The following CNTNAP2 variants were observed in gnomAD, a reference collection of about 807,000 sequenced individuals.
CNTNAP2 encodes the protein contactin associated protein 2, also known as contactin-associated protein-like 2.
Under a neutral mutation model 155.2 loss-of-function variants are expected in CNTNAP2, and 98 were observed. That is an observed-to-expected ratio of 0.63 (90% CI 0.54 to 0.75). The LOEUF (loss-of-function observed/expected upper bound fraction) is 0.75. CNTNAP2 is among the 30% of genes least tolerant of loss of function. The pLI is 0.00. For missense variants in CNTNAP2, 1,727 were observed against 1,688.1 expected, an observed-to-expected ratio of 1.02 and a Z score of -0.40; for synonymous variants, 651 against 631.2, an observed-to-expected ratio of 1.03 and a Z score of -0.47.
At chr7:146,143,247 T>A (rs1457903827) in intron 1 of CNTNAP2, among the ~76,000 whole-genome samples, 1 of 152,208 alleles carries the variant, frequency 6.6e-6, no homozygotes, top group Non-Finnish European at 1.5e-5. Context: ...TATTTTCTTT[T>A]TATTATGCCA....
chr7:147,285,825 A>G (rs1241331871), intron 8 of CNTNAP2, among the ~76,000 whole-genome samples: 1 of 152,018 alleles, frequency 6.6e-6, no homozygotes, highest in Non-Finnish European at 1.5e-5. Flanking sequence ...GCATATTACA[A>G]TTAGGATATG....
At chr7:147,466,995 T>C (rs894618228) in intron 10 of CNTNAP2, among the ~76,000 whole-genome samples, 3 of 152,260 alleles carry the variant, frequency 2.0e-5, no homozygotes, top group African/African-American at 7.2e-5. Flanking sequence ...AGTTAATGTA[T>C]CTTATATAGG....
rs1440844882 is a variant in CNTNAP2, at chr7:146,612,181, GACAA to G, written c.98-162086_98-162083del. Among the ~76,000 whole-genome samples the G allele has an allele frequency of 7.9e-5, 12 of 151,920 alleles. No homozygotes were observed. In the South Asian group the frequency reaches 1.2e-3, roughly 16 times the overall value. On this transcript the variant is annotated intron_variant, in intron 1 of 23. Coordinates refer to ENST00000361727, the MANE Select transcript of CNTNAP2 (RefSeq NM_014141.6). ...GCCTAGAATAATCCCTAGTAGATAC[GACAA>G]ACATTTAATAAAAATAGTTATTACT... is the stretch of plus-strand genomic sequence containing the variant.
At chr7:146,486,749 T>G (rs1414107396) in intron 1 of CNTNAP2, among the ~76,000 whole-genome samples, 2 of 152,200 alleles carry the variant, frequency 1.3e-5, no homozygotes, top group Non-Finnish European at 2.9e-5. Context: ...GCATATTCTT[T>G]TGGGAGAGCC....
chr7:148,137,805 A>C (rs980214414), intron 16 of CNTNAP2, among the ~76,000 whole-genome samples: 8 of 152,142 alleles, frequency 5.3e-5, no homozygotes, highest in Non-Finnish European at 1.0e-4. Context: ...GCATAATTTT[A>C]CTTTTTTCTC....
intron 5 of CNTNAP2, among the ~76,000 whole-genome samples, chr7:147,113,769 T>C (rs1322944579): frequency 1.3e-5 from 2 of 152,216 alleles, no homozygotes; most frequent in African/African-American, 4.8e-5. Flanking sequence ...CCAGGATTTA[T>C]TGATTTTTTG....
chr7:147,734,469 A>G (rs1267584531), intron 13 of CNTNAP2, among the ~76,000 whole-genome samples: 1 of 152,162 alleles, frequency 6.6e-6, no homozygotes, highest in African/African-American at 2.4e-5. Context: ...ATATTGGTCT[A>G]AAATTCTCTT....
At chr7:146,952,889 T>C (rs1292492599) in intron 3 of CNTNAP2, among the ~76,000 whole-genome samples, 1 of 152,096 alleles carries the variant, frequency 6.6e-6, no homozygotes, top group Admixed American at 6.6e-5. Flanking sequence ...ATCATAGGAA[T>C]TTCTGAACCT....
intron 16 of CNTNAP2, among the ~76,000 whole-genome samples, chr7:148,122,155 G>A (rs927912625): frequency 6.6e-6 from 1 of 152,148 alleles, no homozygotes; most frequent in South Asian, 2.1e-4. Flanking sequence ...TACAAACGAG[G>A]AAACTGAGGC....
chr7:146,457,945 C>A (rs755858861), intron 1 of CNTNAP2, among the ~76,000 whole-genome samples: 14 of 152,038 alleles, frequency 9.2e-5, no homozygotes, highest in Non-Finnish European at 1.9e-4. Flanking sequence ...TACTGTCATA[C>A]ACTTGTTTGA....
intron 7 of CNTNAP2, among the ~76,000 whole-genome samples, chr7:147,130,828 C>A (rs1314378302): frequency 6.6e-6 from 1 of 151,996 alleles, no homozygotes; most frequent in African/African-American, 2.4e-5. Flanking sequence ...GGGAGACAAT[C>A]CCCTCAAAAG....
intron 3 of CNTNAP2, among the ~76,000 whole-genome samples, chr7:147,026,962 C>T (rs1394410850): frequency 1.4e-5 from 2 of 137,966 alleles, no homozygotes; most frequent in Non-Finnish European, 3.1e-5. Flanking sequence ...GCATCTGTCA[C>T]ACCTGATTAC....
At chr7:147,491,941 C>T (rs962104050) in intron 11 of CNTNAP2, among the ~76,000 whole-genome samples, 7 of 152,168 alleles carry the variant, frequency 4.6e-5, no homozygotes, top group African/African-American at 1.7e-4. Flanking sequence ...TTCAAATTAT[C>T]TTTAAGGAAA....
At position 147,535,496 on chromosome 7, in the gene CNTNAP2, T is replaced by A. The variant is rs1196939118; in HGVS notation, c.1778-26642T>A. 2.0e-5 allele frequency among the ~76,000 whole-genome samples: 3 copies of A among 152,216 alleles called. 1 individual carries two copies. The East Asian group carries it at 5.8e-4, about 29-fold the overall frequency. Reference sequence around the variant, plus strand: ...ATTAAATATGACAGTGGAAAAAGATTTCTAGTTGGAGAATGAAAACTTCCT... The same window carrying A: ...ATTAAATATGACAGTGGAAAAAGATATCTAGTTGGAGAATGAAAACTTCCT... On this transcript the variant is annotated intron_variant, in intron 11 of 23. Transcript: ENST00000361727.
chr7:146,180,100 T>C (rs2116834251), intron 1 of CNTNAP2, among the ~76,000 whole-genome samples: 1 of 152,222 alleles, frequency 6.6e-6, no homozygotes, highest in Admixed American at 6.5e-5. Flanking sequence ...AAAGAATAAG[T>C]AACAGGAGAA....
intron 21 of CNTNAP2, among the ~76,000 whole-genome samples, chr7:148,375,144 T>C (rs1798959235): frequency 6.6e-6 from 1 of 152,068 alleles, no homozygotes; most frequent in African/African-American, 2.4e-5. Context: ...GTCTGGTGTT[T>C]GGGAAACATT....
chr7:147,192,466 G>A (rs535457457), intron 8 of CNTNAP2, among the ~76,000 whole-genome samples: 3 of 152,092 alleles, frequency 2.0e-5, no homozygotes, highest in Non-Finnish European at 4.4e-5. Flanking sequence ...CTGGGAACTT[G>A]TTAAACATGC....
At chr7:146,143,787 G>A (rs545431464) in intron 1 of CNTNAP2, among the ~76,000 whole-genome samples, 13 of 151,360 alleles carry the variant, frequency 8.6e-5, no homozygotes, top group African/African-American at 3.1e-4. Context: ...TTTTGAAATG[G>A]AGTCTCCTTC....
intron 14 of CNTNAP2, among the ~76,000 whole-genome samples, chr7:147,929,314 C>T (rs780398053): frequency 4.2e-4 from 64 of 151,970 alleles, no homozygotes; most frequent in Admixed American, 1.0e-3. Flanking sequence ...TAATTGGACA[C>T]TATAGGGACA....
Sources: gnomAD v4.1 joint callset for allele counts (sites outside exome capture counted in the v4.1 genomes callset) on GRCh38, gnomAD v4.1.1 for gene constraint, MANE v1.5 for transcripts, NCBI Gene and HGNC (gene_info 2026-07-23, HGNC 2026-07-21) for gene names.